Variants in PLCB1 observed in about 807,000 individuals in gnomAD.
The protein encoded by PLCB1 is phospholipase C beta 1, also known as 1-phosphatidylinositol 4,5-bisphosphate phosphodiesterase beta-1.
A neutral mutation model predicts 161.8 loss-of-function variants in PLCB1; 46 were observed. The observed-to-expected ratio is 0.28, with a 90% CI of 0.22 to 0.36. The LOEUF (loss-of-function observed/expected upper bound fraction) is 0.36. PLCB1 is among the 10% of genes least tolerant of loss of function. The pLI, the probability that PLCB1 is intolerant of heterozygous loss-of-function variation, is 1.00. For missense variants in PLCB1, 1,016 were observed against 1,472.5 expected (o/e 0.69, Z 5.07); for synonymous variants, 517 against 503.7 (o/e 1.03, Z -0.35).
chr20:8,439,571 C>T (rs1228723044), intron 3 of PLCB1, among the ~76,000 whole-genome samples: 1 of 152,122 alleles, frequency 6.6e-6, no homozygotes, highest in African/African-American at 2.4e-5. Context: ...AAGCATTTAT[C>T]GCTCTTTGAA....
chr20:8,340,137 AT>A (rs1985744491), intron 2 of PLCB1, among the ~76,000 whole-genome samples: 1 of 152,076 alleles, frequency 6.6e-6, no homozygotes, highest in Non-Finnish European at 1.5e-5. Flanking sequence ...TTAATTGATA[AT>A]TCTAGTGAAA....
chr20:8,615,133 C>T (rs914087662), intron 3 of PLCB1, among the ~76,000 whole-genome samples: 5 of 152,128 alleles, frequency 3.3e-5, no homozygotes, highest in African/African-American at 1.2e-4. Context: ...ATATCTAATA[C>T]ACCATAAGCA....
intron 3 of PLCB1, among the ~76,000 whole-genome samples, chr20:8,537,144 C>T (rs1458508442): frequency 6.6e-6 from 1 of 151,968 alleles, no homozygotes; most frequent in African/African-American, 2.4e-5. Context: ...GAGATAGAGG[C>T]AAGTTTTAGA....
chr20:8,302,467 G>C (rs1052114005), intron 2 of PLCB1, among the ~76,000 whole-genome samples: 2 of 152,238 alleles, frequency 1.3e-5, no homozygotes, highest in Admixed American at 1.3e-4. Flanking sequence ...ATTTAAACAG[G>C]CTCGATTGCG....
intron 2 of PLCB1, among the ~76,000 whole-genome samples, chr20:8,340,480 T>C (rs1446590644): frequency 6.6e-6 from 1 of 152,098 alleles, no homozygotes; most frequent in Non-Finnish European, 1.5e-5. Context: ...TGGAGTGCAG[T>C]GGCGCGATCT....
At chr20:8,681,286 C>T (rs1468994981) in intron 9 of PLCB1, among the ~76,000 whole-genome samples, 1 of 151,598 alleles carries the variant, frequency 6.6e-6, no homozygotes, top group Non-Finnish European at 1.5e-5. Context: ...TACACCTTCA[C>T]TTTTCTATCC....
chr20:8,801,021 C>G (rs1049158219), intron 31 of PLCB1, among the ~76,000 whole-genome samples: 1 of 152,160 alleles, frequency 6.6e-6, no homozygotes, highest in African/African-American at 2.4e-5. Flanking sequence ...TTTTAGAACA[C>G]AAGTTAAATC....
At chr20:8,159,732 A>G (rs2051601177) in intron 2 of PLCB1, among the ~76,000 whole-genome samples, 1 of 152,076 alleles carries the variant, frequency 6.6e-6, no homozygotes, top group African/African-American at 2.4e-5. Context: ...TCATGCCTGC[A>G]ATCCCAGCAC....
chr20:8,391,791 A>ATG (rs1568658895), intron 3 of PLCB1, among the ~76,000 whole-genome samples: 193 of 77,090 alleles, frequency 2.5e-3, no homozygotes, highest in Middle Eastern at 7.5e-3. Context: ...GTGTGTATAT[A>ATG]TATATATATA....
intron 31 of PLCB1, among the ~76,000 whole-genome samples, chr20:8,801,446 A>G (rs1984275417): frequency 6.6e-6 from 1 of 152,108 alleles, no homozygotes; most frequent in Non-Finnish European, 1.5e-5. Flanking sequence ...TGTGTCCTTG[A>G]GTACTGCCCC....
chr20:8,803,898 A>AT (rs1394845314), intron 31 of PLCB1, among the ~76,000 whole-genome samples: 1 of 151,998 alleles, frequency 6.6e-6, no homozygotes, highest in Non-Finnish European at 1.5e-5. Context: ...GGTTCAAGTG[A>AT]TTCTCCTGCC....
At chr20:8,230,510 T>A (rs1446661021) in intron 2 of PLCB1, among the ~76,000 whole-genome samples, 2 of 152,168 alleles carry the variant, frequency 1.3e-5, no homozygotes, top group African/African-American at 2.4e-5. Context: ...ACATTAGAAT[T>A]TATTCCTTTT....
intron 3 of PLCB1, among the ~76,000 whole-genome samples, chr20:8,466,266 T>C (rs1981816768): frequency 6.8e-6 from 1 of 147,960 alleles, no homozygotes; most frequent in Non-Finnish European, 1.5e-5. Flanking sequence ...TAGGTGGGAA[T>C]TGAACAATGA....
chr20:8,146,090 G>GT (rs201810481), intron 1 of PLCB1, among the ~76,000 whole-genome samples: 50 of 124,268 alleles, frequency 4.0e-4, no homozygotes, highest in South Asian at 1.3e-3. Flanking sequence ...TCTTCTTACT[G>GT]TTTTTGTTTT....
intron 12 of PLCB1, among the ~76,000 whole-genome samples, chr20:8,712,586 T>C (rs1350064262): frequency 6.6e-6 from 1 of 152,238 alleles, no homozygotes; most frequent in African/African-American, 2.4e-5. Flanking sequence ...CTAACACTTT[T>C]ATAAAAAGAA....
chr20:8,577,158 G>A (rs1041223471), intron 3 of PLCB1, among the ~76,000 whole-genome samples: 10 of 152,050 alleles, frequency 6.6e-5, no homozygotes, highest in Non-Finnish European at 1.0e-4. Flanking sequence ...GGCCGGATGC[G>A]GTGGCCCAAG....
At chr20:8,511,898 T>C (rs1401818017) in intron 3 of PLCB1, among the ~76,000 whole-genome samples, 1 of 152,204 alleles carries the variant, frequency 6.6e-6, no homozygotes, top group African/African-American at 2.4e-5. Context: ...TATAAGATTG[T>C]TTGAGTTCCT....
chr20:8,224,929 CT>C (rs1979604425), intron 2 of PLCB1, among the ~76,000 whole-genome samples: 1 of 152,158 alleles, frequency 6.6e-6, no homozygotes, highest in Non-Finnish European at 1.5e-5. Flanking sequence ...GCTCATTATG[CT>C]TGTGGTATTC....
At chr20:8,251,434 G>A (rs749062361) in intron 2 of PLCB1, among the ~76,000 whole-genome samples, 5 of 151,820 alleles carry the variant, frequency 3.3e-5, no homozygotes, top group African/African-American at 4.8e-5. Context: ...TTTGCCAGGC[G>A]GATAAGAGCA....
Sources: gnomAD v4.1 joint callset for allele counts (sites outside exome capture counted in the v4.1 genomes callset) on GRCh38, gnomAD v4.1.1 for gene constraint, MANE v1.5 for transcripts, NCBI Gene and HGNC (gene_info 2026-07-23, HGNC 2026-07-21) for gene names.